NTNG1: variants seen among roughly 807,000 people sequenced by gnomAD.
The protein encoded by NTNG1 is netrin G1, also known as netrin-G1.
A neutral mutation model predicts 54.0 loss-of-function variants in NTNG1; 16 were observed. The observed-to-expected ratio is 0.30, with a 90% CI of 0.20 to 0.45. The LOEUF (loss-of-function observed/expected upper bound fraction) is 0.45. Among genes scored for constraint, NTNG1 ranks in the 20% least tolerant of loss-of-function variants. The pLI, the probability that NTNG1 is intolerant of heterozygous loss-of-function variation, is 1.00. For missense variants in NTNG1, 530 were observed against 678.7 expected (o/e 0.78, Z 2.43); for synonymous variants, 255 against 263.1 (o/e 0.97, Z 0.30).
chr1:107,149,892 T>C (rs1654429941), intron 2 of NTNG1, among the ~76,000 whole-genome samples: 1 of 152,184 alleles, frequency 6.6e-6, no homozygotes, highest in Admixed American at 6.6e-5. Flanking sequence ...ATCTTGAACC[T>C]GGCCTGGCAT....
intron 7 of NTNG1, among the ~76,000 whole-genome samples, chr1:107,439,535 G>C (rs1286918330): frequency 6.6e-6 from 1 of 152,076 alleles, no homozygotes; most frequent in African/African-American, 2.4e-5. Flanking sequence ...GAAAAGAATG[G>C]AATGGGTTGA....
intron 3 of NTNG1, among the ~76,000 whole-genome samples, chr1:107,357,507 C>G (rs1005860831): frequency 6.6e-6 from 1 of 152,196 alleles, no homozygotes; most frequent in Non-Finnish European, 1.5e-5. Flanking sequence ...ATTTCTTCCA[C>G]AGACATTTCA....
intron 2 of NTNG1, among the ~76,000 whole-genome samples, chr1:107,241,424 A>T (rs1661819635): frequency 1.3e-5 from 2 of 152,224 alleles, no homozygotes; most frequent in Non-Finnish European, 2.9e-5. Context: ...ACAGAAAAAA[A>T]TTGCCTTCAG....
At chr1:107,465,701 C>G (rs1223249094) in intron 7 of NTNG1, among the ~76,000 whole-genome samples, 1 of 152,132 alleles carries the variant, frequency 6.6e-6, no homozygotes, top group East Asian at 1.9e-4. Context: ...AGGCATGTGG[C>G]AGTCCAGGGA....
chr1:107,419,488 G>C (rs188063560), intron 5 of NTNG1, among the ~76,000 whole-genome samples: 165 of 151,992 alleles, frequency 1.1e-3, no homozygotes, highest in African/African-American at 3.9e-3. Flanking sequence ...ACTTTTAAAG[G>C]CTGAGCAATA....
intron 3 of NTNG1, among the ~76,000 whole-genome samples, chr1:107,376,946 T>C (rs932657223): frequency 6.6e-6 from 1 of 152,164 alleles, no homozygotes; most frequent in Non-Finnish European, 1.5e-5. Context: ...ACTTATTCAT[T>C]GACTCAGCAG....
At chr1:107,197,435 T>C (rs1429211912) in intron 2 of NTNG1, among the ~76,000 whole-genome samples, 1 of 152,122 alleles carries the variant, frequency 6.6e-6, no homozygotes, top group South Asian at 2.1e-4. Context: ...TTTTCAACAT[T>C]TAGTTTCATA....
At chr1:107,141,651 C>T (rs1341638450) in intron 1 of NTNG1, among the ~76,000 whole-genome samples, 2 of 152,116 alleles carry the variant, frequency 1.3e-5, no homozygotes, top group East Asian at 3.9e-4. Context: ...CCTACGCGCA[C>T]ACACAGCGGC....
At chr1:107,395,550 AATG>A in intron 4 of NTNG1, 1 of 718,804 alleles carries the variant, frequency 1.4e-6, no homozygotes, top group South Asian at 1.4e-5. Context: ...TGTGTTGGGA[AATG>A]ATACTTGACA....
intron 3 of NTNG1, among the ~76,000 whole-genome samples, chr1:107,380,993 C>T (rs1671608941): frequency 1.3e-5 from 2 of 152,102 alleles, no homozygotes; most frequent in African/African-American, 4.8e-5. Context: ...GTTTGTTTTG[C>T]TTGTTCATCA....
At chr1:107,174,289 C>T (rs1484790227) in intron 2 of NTNG1, among the ~76,000 whole-genome samples, 1 of 152,024 alleles carries the variant, frequency 6.6e-6, no homozygotes, top group African/African-American at 2.4e-5. Flanking sequence ...GTTACTTGCT[C>T]AGGAGCATAT....
chr1:107,446,744 A>T (rs1676329966), intron 7 of NTNG1, among the ~76,000 whole-genome samples: 1 of 152,080 alleles, frequency 6.6e-6, no homozygotes. Context: ...TATGTTTTTC[A>T]TCCCATCTTT....
chr1:107,251,468 C>A (rs1443840022), intron 2 of NTNG1, among the ~76,000 whole-genome samples: 1 of 152,146 alleles, frequency 6.6e-6, no homozygotes, highest in Admixed American at 6.6e-5. Context: ...AATCCAGAAT[C>A]AGCTTTACCT....
intron 6 of NTNG1, among the ~76,000 whole-genome samples, chr1:107,433,655 A>G (rs765257847): frequency 3.3e-5 from 5 of 152,252 alleles, no homozygotes; most frequent in Non-Finnish European, 7.3e-5. Context: ...TGTTTCAAGA[A>G]TGAATAGAAA....
intron 2 of NTNG1, among the ~76,000 whole-genome samples, chr1:107,200,933 C>A (rs1658708943): frequency 6.6e-6 from 1 of 151,730 alleles, no homozygotes; most frequent in Non-Finnish European, 1.5e-5. Flanking sequence ...GATATCCCTC[C>A]CTTGAATTGT....
chr1:107,469,199 A>G (rs1308391698), intron 7 of NTNG1, among the ~76,000 whole-genome samples: 2 of 151,854 alleles, frequency 1.3e-5, no homozygotes, highest in East Asian at 3.9e-4. Context: ...CCCCAAGTGT[A>G]TATTGTTTCA....
intron 2 of NTNG1, among the ~76,000 whole-genome samples, chr1:107,322,576 C>T (rs1383868876): frequency 6.6e-6 from 1 of 152,008 alleles, no homozygotes; most frequent in East Asian, 1.9e-4. Flanking sequence ...TAGAGCTTTG[C>T]ATTTGGCTCT....
chr1:107,254,314 T>C (rs1211371071), intron 2 of NTNG1, among the ~76,000 whole-genome samples: 1 of 152,236 alleles, frequency 6.6e-6, no homozygotes, highest in Non-Finnish European at 1.5e-5. Flanking sequence ...ATTGTAAAAT[T>C]GAGGTGAATA....
intron 7 of NTNG1, among the ~76,000 whole-genome samples, chr1:107,455,441 G>C (rs1676892526): frequency 6.6e-6 from 1 of 152,238 alleles, no homozygotes; most frequent in Non-Finnish European, 1.5e-5. Context: ...TCAGGATCAA[G>C]TGAACCTGAG....
Sources: allele counts gnomAD v4.1 joint callset (sites outside exome capture counted in the v4.1 genomes callset), GRCh38; gene constraint gnomAD v4.1.1; transcripts MANE v1.5; gene names NCBI Gene and HGNC (gene_info 2026-07-23, HGNC 2026-07-21).